Variants in PDE4D observed in about 807,000 individuals in gnomAD.
PDE4D encodes phosphodiesterase 4D, also known as 3',5'-cyclic-AMP phosphodiesterase 4D.
A neutral mutation model predicts 87.4 loss-of-function variants in PDE4D; 24 were observed. The observed-to-expected ratio is 0.27, with a 90% CI of 0.20 to 0.39. The LOEUF (loss-of-function observed/expected upper bound fraction) is 0.39, where lower values mean the gene tolerates loss of function less well. Ranked by LOEUF, PDE4D falls within the 10% of genes least tolerant of loss-of-function variation. The probability of loss-of-function intolerance (pLI) is 1.00; values close to 1 mark genes in which losing one functional copy is unlikely to be tolerated. For missense variants in PDE4D, 714 were observed against 1,041.0 expected (o/e 0.69, Z 4.32); for synonymous variants, 384 against 383.2 (o/e 1.00, Z -0.02).
chr5:59,140,819 G>A (rs865934868), intron 5 of PDE4D, among the ~76,000 whole-genome samples: 3 of 152,244 alleles, frequency 2.0e-5, no homozygotes, highest in Middle Eastern at 6.8e-3. Flanking sequence ...ATTCCTTGAC[G>A]TGATTCTGTC....
intron 5 of PDE4D, among the ~76,000 whole-genome samples, chr5:59,060,650 C>T (rs1762994794): frequency 6.6e-6 from 1 of 151,978 alleles, no homozygotes; most frequent in African/African-American, 2.4e-5. Flanking sequence ...GCATAGTACC[C>T]CTACAGCTTA....
chr5:60,137,939 T>A (rs1456399541), intron 2 of PDE4D, among the ~76,000 whole-genome samples: 2 of 152,180 alleles, frequency 1.3e-5, no homozygotes, highest in African/African-American at 4.8e-5. Context: ...AATTCTTTAA[T>A]CTACCTTGAG....
intron 5 of PDE4D, among the ~76,000 whole-genome samples, chr5:59,161,552 T>A (rs187752473): frequency 1.1e-4 from 16 of 152,280 alleles, no homozygotes; most frequent in African/African-American, 9.6e-5. Flanking sequence ...AAATGTTTCT[T>A]ATCAGACTTA....
intron 1 of PDE4D, among the ~76,000 whole-genome samples, chr5:59,549,281 C>A (rs2153687032): frequency 6.6e-6 from 1 of 152,278 alleles, no homozygotes; most frequent in African/African-American, 2.4e-5. Context: ...TGTTCAACAG[C>A]AAATTAAAAC....
intron 1 of PDE4D, among the ~76,000 whole-genome samples, chr5:59,350,978 T>C (rs941351595): frequency 6.6e-6 from 1 of 152,194 alleles, no homozygotes; most frequent in Non-Finnish European, 1.5e-5. Context: ...ATAAGCCAGC[T>C]CTATTGTACT....
intron 1 of PDE4D, among the ~76,000 whole-genome samples, chr5:60,286,723 C>G (rs558514699): frequency 1.3e-5 from 2 of 152,236 alleles, no homozygotes; most frequent in African/African-American, 4.8e-5. Flanking sequence ...AAATAAGAAG[C>G]CTCCGAAACA....
At chr5:59,661,638 A>G (rs1745269216) in intron 1 of PDE4D, among the ~76,000 whole-genome samples, 1 of 152,240 alleles carries the variant, frequency 6.6e-6, no homozygotes, top group African/African-American at 2.4e-5. Flanking sequence ...TTCCATATCA[A>G]GATATCCAGG....
intron 2 of PDE4D, among the ~76,000 whole-genome samples, chr5:59,989,651 AT>A (rs1762817514): frequency 6.6e-6 from 1 of 152,188 alleles, no homozygotes; most frequent in Non-Finnish European, 1.5e-5. Context: ...AATTTGATCC[AT>A]GTTATCCACA....
At chr5:59,399,136 C>G (rs1211698665) in intron 1 of PDE4D, among the ~76,000 whole-genome samples, 1 of 134,610 alleles carries the variant, frequency 7.4e-6, no homozygotes, top group Admixed American at 7.3e-5. Context: ...GAATCAATAT[C>G]GTGAAAATGG....
chr5:59,387,771 T>C (rs2153606347), intron 1 of PDE4D, among the ~76,000 whole-genome samples: 1 of 152,240 alleles, frequency 6.6e-6, no homozygotes, highest in African/African-American at 2.4e-5. Context: ...ATACATTACC[T>C]CACAAACTTA....
intron 5 of PDE4D, among the ~76,000 whole-genome samples, chr5:59,107,454 C>A (rs2153436606): frequency 6.6e-6 from 1 of 152,302 alleles, no homozygotes; most frequent in South Asian, 2.1e-4. Flanking sequence ...AGTGATCTGC[C>A]TGTCTCAGCC....
chr5:60,054,549 A>T (rs2152882409), intron 2 of PDE4D, among the ~76,000 whole-genome samples: 1 of 152,206 alleles, frequency 6.6e-6, no homozygotes, highest in Non-Finnish European at 1.5e-5. Flanking sequence ...AGACTAGGGG[A>T]GGGATAGCAT....
At chr5:60,155,688 C>T (rs140487687) in intron 2 of PDE4D, among the ~76,000 whole-genome samples, 527 of 152,230 alleles carry the variant, frequency 3.5e-3, no homozygotes, top group African/African-American at 0.012. Flanking sequence ...ATAAATTATA[C>T]GATGCTAGTT....
chr5:59,900,263 TAC>T (rs765524262), intron 3 of PDE4D, among the ~76,000 whole-genome samples: 10,480 of 135,656 alleles, frequency 0.077, 757 homozygotes, highest in African/African-American at 0.22. Flanking sequence ...TATATATATA[TAC>T]ACACACACAC....
At position 58,992,007 on chromosome 5, in the gene PDE4D, T is replaced by C; in HGVS notation, c.1016-3A>G. The C allele has an allele frequency of 1.3e-6, 2 of 1,533,826 alleles. No individual in the cohort carries two copies. The highest frequency in any genetic ancestry group is 1.8e-6 in the Non-Finnish European group (2 of 1,141,494). On this transcript the variant is annotated splice_region_variant and splice_polypyrimidine_tract_variant and intron_variant, in intron 7 of 14. Transcript: ENST00000340635. ...AATTTCCACTTCATGTTGCTTATCTTGAGAAATTTAGAAAATGTTCTATAT... is the reference window on the plus strand; with the variant it reads ...AATTTCCACTTCATGTTGCTTATCTCGAGAAATTTAGAAAATGTTCTATAT...
chr5:60,422,044 T>G (rs186842595), intron 1 of PDE4D, among the ~76,000 whole-genome samples: 1 of 152,006 alleles, frequency 6.6e-6, no homozygotes, highest in Non-Finnish European at 1.5e-5. Context: ...TGGGACTATG[T>G]GAAAAGACCA....
At chr5:59,500,404 A>G (rs1424525204) in intron 1 of PDE4D, among the ~76,000 whole-genome samples, 1 of 152,190 alleles carries the variant, frequency 6.6e-6, no homozygotes, top group Non-Finnish European at 1.5e-5. Context: ...CTACATATAT[A>G]CCAGGAAATA....
chr5:59,936,757 T>C (rs2152794444), intron 3 of PDE4D, among the ~76,000 whole-genome samples: 1 of 152,338 alleles, frequency 6.6e-6, no homozygotes, highest in East Asian at 1.9e-4. Context: ...CCTTAGAATC[T>C]GTAATGTAAC....
At chr5:59,066,278 A>C (rs1354553653) in intron 5 of PDE4D, among the ~76,000 whole-genome samples, 1 of 152,096 alleles carries the variant, frequency 6.6e-6, no homozygotes, top group African/African-American at 2.4e-5. Context: ...ACACAGAGAG[A>C]GGCACTCTTA....
Sources: allele counts gnomAD v4.1 joint callset (sites outside exome capture counted in the v4.1 genomes callset), GRCh38; gene constraint gnomAD v4.1.1; transcripts MANE v1.5; gene names NCBI Gene and HGNC (gene_info 2026-07-23, HGNC 2026-07-21).